The following MYO16 variants were observed in gnomAD, a reference collection of about 807,000 sequenced individuals.
The protein encoded by MYO16 is unconventional myosin-XVI.
MYO16 carries 94 observed loss-of-function variants against 205.3 expected under a neutral mutation model. That is an observed-to-expected ratio of 0.46 (90% CI 0.39 to 0.54). The LOEUF is 0.54. MYO16 is among the 20% of genes least tolerant of loss of function. The probability of loss-of-function intolerance (pLI) is 0.00; values close to 1 mark genes in which losing one functional copy is unlikely to be tolerated. For missense variants in MYO16, 2,315 were observed against 2,387.5 expected, an observed-to-expected ratio of 0.97 and a Z score of 0.63; for synonymous variants, 988 against 954.0, an observed-to-expected ratio of 1.04 and a Z score of -0.66.
At chr13:108,530,883 C>T in the MYO16 span, among the ~76,000 whole-genome samples, 4 of 151,988 alleles carry the variant, frequency 2.6e-5, no homozygotes, top group African/African-American at 4.8e-5. Flanking sequence ...TCAACTCTAT[C>T]GTGAGAAATC....
chr13:108,834,732 A>G (rs969573000), intron 9 of MYO16, among the ~76,000 whole-genome samples: 2 of 151,568 alleles, frequency 1.3e-5, no homozygotes, highest in Non-Finnish European at 2.9e-5. Context: ...TAATCTGATA[A>G]ATGTTTTTCC....
intron 3 of MYO16, among the ~76,000 whole-genome samples, chr13:108,716,822 T>C (rs967745795): frequency 1.9e-4 from 29 of 152,322 alleles, no homozygotes; most frequent in African/African-American, 6.3e-4. Context: ...AGGTAGATAT[T>C]TGAGAAACAT....
At chr13:108,563,583 CATTTGA>C in the MYO16 span, among the ~76,000 whole-genome samples, 1 of 152,146 alleles carries the variant, frequency 6.6e-6, no homozygotes, top group Non-Finnish European at 1.5e-5. Context: ...TCAGTTAGAA[CATTTGA>C]TGCTTGTCTG....
intron 2 of MYO16, among the ~76,000 whole-genome samples, chr13:108,676,689 A>G (rs1237512731): frequency 6.6e-6 from 1 of 152,154 alleles, no homozygotes; most frequent in Non-Finnish European, 1.5e-5. Context: ...GGAGTGAGTG[A>G]CACTGCTGCA....
At chr13:109,112,976 A>G (rs1370724093) in intron 28 of MYO16, among the ~76,000 whole-genome samples, 2 of 152,210 alleles carry the variant, frequency 1.3e-5, no homozygotes, top group African/African-American at 4.8e-5. Context: ...AGATACACAA[A>G]TAAGAAGAAA....
rs532870029 is a variant in MYO16 at position 108,600,949 on chromosome 13, A to AT, written c.-39+4719dup. 9.8e-3 allele frequency among the ~76,000 whole-genome samples: 1,481 copies of AT among 151,714 alleles called. 21 individuals are homozygous for AT. The highest frequency in any genetic ancestry group is 0.031 in the African/African-American group (1,275 of 41,358). ...TTTTATGCCACTTATCCTCATGAAGATTTTTTTTTAATTTTACAGAAAGAA... is the reference window on the plus strand; with the variant it reads ...TTTTATGCCACTTATCCTCATGAAGATTTTTTTTTTAATTTTACAGAAAGAA... On this transcript the variant is annotated intron_variant, in intron 1 of 24. Transcript: ENST00000251041.
intron 12 of MYO16, among the ~76,000 whole-genome samples, chr13:108,866,725 C>G (rs1373292733): frequency 1.3e-5 from 2 of 152,088 alleles, no homozygotes; most frequent in African/African-American, 4.8e-5. Context: ...GAAAATTATT[C>G]CAGTCAATTG....
intron 32 of MYO16, among the ~76,000 whole-genome samples, chr13:109,158,467 T>C (rs1393389656): frequency 6.6e-6 from 1 of 152,206 alleles, no homozygotes; most frequent in Admixed American, 6.5e-5. Context: ...ACCTCTCCTG[T>C]CATGGCAAAC....
At chr13:108,884,836 C>T (rs1050221246) in intron 13 of MYO16, among the ~76,000 whole-genome samples, 1 of 151,438 alleles carries the variant, frequency 6.6e-6, no homozygotes, top group Non-Finnish European at 1.5e-5. Flanking sequence ...GGGCTCTCAC[C>T]CATTCTAGAC....
Position 109,009,788 on chromosome 13 carries a change from C to T in MYO16, c.2595+739C>T, listed in dbSNP as rs549172977. 4.2e-3 allele frequency among the ~76,000 whole-genome samples: 639 copies of T among 152,260 alleles called. 7 individuals are homozygous for T. The highest frequency in any genetic ancestry group is 7.6e-3 in the Non-Finnish European group (514 of 67,990). On this transcript the variant is annotated intron_variant, in intron 22 of 34. Coordinates refer to ENST00000457511, the MANE Select transcript of MYO16 (RefSeq NM_001198950.3). ...AAATTATTTTATTTTATGAATTTTTCTGATTAACACATTCTTGTTCTTGCT... is the reference window on the plus strand; with the variant it reads ...AAATTATTTTATTTTATGAATTTTTTTGATTAACACATTCTTGTTCTTGCT...
At chr13:108,859,924 G>A (rs1424831215) in intron 11 of MYO16, among the ~76,000 whole-genome samples, 4 of 151,940 alleles carry the variant, frequency 2.6e-5, no homozygotes, top group African/African-American at 7.3e-5. Context: ...ATAAAGCATC[G>A]CATGACAGCT....
chr13:109,140,529 G>A lies in MYO16; in HGVS notation c.4317G>A (p.Gly1439=), dbSNP rs1307667490. 1 of 1,551,828 alleles carries A rather than the reference G, an allele frequency of 6.4e-7. No individual in the cohort carries two copies. Among genetic ancestry groups the A allele is most frequent in the Non-Finnish European group, 8.6e-7 (1 of 1,157,010 alleles). ...DSEPVYIEML[G]HAARPDSPDP... ...AGCCTGTGTACATCGAGATGCTGGG[G>A]CACGCGGCCAGGCCCGATAGCCCGG... Residue 1439 remains glycine (G), a synonymous_variant, in exon 32 of 35, where the codon GGG becomes GGA. Coordinates refer to ENST00000457511, the MANE Select transcript of MYO16 (RefSeq NM_001198950.3). The surrounding 1 kb of genome is among the most constrained non-coding windows in gnomAD (Gnocchi z 8.0).
chr13:109,075,375 C>A (rs886826557), intron 27 of MYO16, among the ~76,000 whole-genome samples: 13 of 32,828 alleles, frequency 4.0e-4, no homozygotes, highest in African/African-American at 1.1e-3. Context: ...TTTATACCAG[C>A]ATTTCCTTTT....
intron 27 of MYO16, among the ~76,000 whole-genome samples, chr13:109,084,004 T>C (rs1369683310): frequency 6.6e-6 from 1 of 152,212 alleles, no homozygotes; most frequent in African/African-American, 2.4e-5. Context: ...AGTTGATCCA[T>C]TTTGTCATTT....
chr13:108,946,656 T>C (rs1882953245), intron 16 of MYO16, among the ~76,000 whole-genome samples: 1 of 152,132 alleles, frequency 6.6e-6, no homozygotes. Flanking sequence ...ATAAGTGAAA[T>C]GCGGAGAAGA....
At chr13:109,070,207 C>T (rs1026628621) in intron 27 of MYO16, among the ~76,000 whole-genome samples, 1 of 152,140 alleles carries the variant, frequency 6.6e-6, no homozygotes, top group Non-Finnish European at 1.5e-5. Context: ...GACATACAGT[C>T]ATCCTATCTT....
the MYO16 span, among the ~76,000 whole-genome samples, chr13:108,588,338 C>G: frequency 1.3e-5 from 2 of 152,160 alleles, no homozygotes; most frequent in Non-Finnish European, 2.9e-5. Context: ...GTACTGGTCA[C>G]AGAGACTGTG....
rs928595958 is a variant in MYO16, at chr13:108,693,395, C to A, written c.293-19266C>A. 3.3e-5 allele frequency among the ~76,000 whole-genome samples: 5 copies of A among 152,132 alleles called. No homozygotes were observed. The East Asian group carries it at 7.7e-4, about 23-fold the overall frequency. ...CATTAATTAGTCATTTTTCATCTCC[C>A]CACTTCCTCTAGCTTTTGACAACCA... On this transcript the variant is annotated intron_variant, in intron 2 of 34. Coordinates refer to ENST00000457511, the MANE Select transcript of MYO16 (RefSeq NM_001198950.3).
At chr13:108,782,325 C>T (rs999849918) in intron 4 of MYO16, among the ~76,000 whole-genome samples, 34 of 152,098 alleles carry the variant, frequency 2.2e-4, no homozygotes, top group Non-Finnish European at 5.0e-4. Context: ...TTTGCCCCTG[C>T]CCTAGAAATT....
Sources: allele counts gnomAD v4.1 joint callset (sites outside exome capture counted in the v4.1 genomes callset), GRCh38; gene constraint gnomAD v4.1.1; non-coding constraint Gnocchi (gnomAD v3.1); transcripts MANE v1.5; gene names NCBI Gene and HGNC (gene_info 2026-07-23, HGNC 2026-07-21).